RUNX2: variants seen among roughly 807,000 people sequenced by gnomAD.
RUNX2 encodes the protein runt-related transcription factor 2.
Under a neutral mutation model 51.7 loss-of-function variants are expected in RUNX2, and 10 were observed. The ratio of observed to expected loss-of-function variants is 0.19; its 90% confidence interval spans 0.12 to 0.33. The LOEUF is 0.33. RUNX2 is among the 10% of genes least tolerant of loss of function. The pLI is 1.00. For synonymous variants in RUNX2, 276 were observed against 273.6 expected, an observed-to-expected ratio of 1.01 and a Z score of -0.09; for missense variants, 562 against 691.3, an observed-to-expected ratio of 0.81 and a Z score of 2.10.
At position 45,348,682 on chromosome 6, in the gene RUNX2, A is replaced by C. The variant is rs1581785886; in HGVS notation, c.58+19898A>C. Among the ~76,000 whole-genome samples the C allele has an allele frequency of 6.6e-5, 10 of 151,894 alleles. No individual in the cohort carries two copies. In the South Asian group the frequency reaches 2.1e-3, roughly 32 times the overall value. On this transcript the variant is annotated intron_variant, in intron 2 of 8. Transcript: ENST00000647337. Reference sequence around the variant, plus strand: ...AAAGTAAAACTCCAACTCAAAAAAAAAAAAAAAAAATTGGCAATAATATCA... The same window carrying C: ...AAAGTAAAACTCCAACTCAAAAAAACAAAAAAAAAATTGGCAATAATATCA...
At chr6:45,527,860 T>G (rs1274283394) in intron 7 of RUNX2, among the ~76,000 whole-genome samples, 1 of 152,132 alleles carries the variant, frequency 6.6e-6, no homozygotes, top group East Asian at 1.9e-4. Flanking sequence ...TGAGATGAAT[T>G]TTGGGGACTG....
intron 5 of RUNX2, among the ~76,000 whole-genome samples, chr6:45,467,872 C>G (rs1799682848): frequency 6.6e-6 from 1 of 152,188 alleles, no homozygotes; most frequent in South Asian, 2.1e-4. Context: ...AAAAACTAAC[C>G]TTTCCTTACC....
In RUNX2 at chr6:45,440,075, G is replaced by A. The variant is rs546468541; in HGVS notation, c.685+2024G>A. ...GCAGATACAGATCTGCAAGTGGTAGGCCACCTGCCCTAGATAAGCCTGAGT... is the reference window on the plus strand; with the variant it reads ...GCAGATACAGATCTGCAAGTGGTAGACCACCTGCCCTAGATAAGCCTGAGT... On this transcript the variant is annotated intron_variant, in intron 5 of 8. Transcript: ENST00000647337. 4.6e-5 allele frequency among the ~76,000 whole-genome samples: 7 copies of A among 152,290 alleles called. No homozygotes were observed. In the South Asian group the frequency reaches 1.2e-3, roughly 27 times the overall value.
rs199979275 is a variant in RUNX2 at position 45,493,507 on chromosome 6, T to TG, written c.859+1400dup. Among the ~76,000 whole-genome samples the TG allele has an allele frequency of 9.6e-3, 1,457 of 151,406 alleles. 19 individuals carry two copies. The highest frequency in any genetic ancestry group is 0.033 in the African/African-American group (1,364 of 41,182). On this transcript the variant is annotated intron_variant, in intron 6 of 8. Transcript: ENST00000647337. ...TTAGAGACTACAAAAGATGGGAGAG[T>TG]GGGGGGGCGGTGGTGAGGGTTGAAA... is the stretch of plus-strand genomic sequence containing the variant.
intron 2 of RUNX2, chr6:45,421,838 G>T (rs573679403): frequency 6.6e-6 from 1 of 152,082 alleles, no homozygotes; most frequent in African/African-American, 2.4e-5. Context: ...CGCTGCCCAC[G>T]ACTTACCTCT....
At chr6:45,478,592 G>A (rs1424151371) in intron 5 of RUNX2, among the ~76,000 whole-genome samples, 2 of 152,060 alleles carry the variant, frequency 1.3e-5, no homozygotes, top group East Asian at 3.9e-4. Context: ...ATCAGACACT[G>A]CCTTGGTCTT....
chr6:45,381,076 G>C (rs965680052), intron 2 of RUNX2, among the ~76,000 whole-genome samples: 13 of 152,204 alleles, frequency 8.5e-5, no homozygotes, highest in Non-Finnish European at 4.4e-5. Context: ...AAACTGGGTA[G>C]ATTGCATATT....
chr6:45,370,567 T>C (rs1795890503), intron 2 of RUNX2, among the ~76,000 whole-genome samples: 1 of 152,198 alleles, frequency 6.6e-6, no homozygotes, highest in Non-Finnish European at 1.5e-5. Context: ...AATAGAACTT[T>C]GTATAAGGAT....
At chr6:45,531,832 T>G (rs1469692731) in intron 7 of RUNX2, among the ~76,000 whole-genome samples, 1 of 152,086 alleles carries the variant, frequency 6.6e-6, no homozygotes, top group Non-Finnish European at 1.5e-5. Flanking sequence ...GCACGATATA[T>G]TCTACCTTGC....
chr6:45,419,533 G>C (rs559680908), intron 2 of RUNX2, among the ~76,000 whole-genome samples: 1 of 152,214 alleles, frequency 6.6e-6, no homozygotes, highest in Admixed American at 6.5e-5. Context: ...GTGCACATGA[G>C]TGGACGTGTA....
chr6:45,512,389 G>A lies in RUNX2; in HGVS notation c.1003G>A (p.Val335Met), dbSNP rs771219239. ...CACTGGGCTTCCTGCCATCACCGAT[G>A]TGCCTAGGCGCATTTCAGGTAAAGA... ...RGTGLPAITDVPRRISDDDTA... is the reference protein window; with the variant it reads ...RGTGLPAITDMPRRISDDDTA... The change falls in exon 7 of 9, where the codon GTG becomes ATG. Residue 335 changes from valine to methionine, a missense_variant. Physicochemically the swap from Val to Met is conservative, Grantham distance 21. Transcript: ENST00000647337. 2 of 1,614,004 alleles carry A rather than the reference G, an allele frequency of 1.2e-6. No individual in the cohort carries two copies. The highest frequency in any genetic ancestry group is 1.7e-5 in the Admixed American group (1 of 60,014).
At chr6:45,440,803 G>A (rs1798822824) in intron 5 of RUNX2, among the ~76,000 whole-genome samples, 1 of 152,034 alleles carries the variant, frequency 6.6e-6, no homozygotes, top group Admixed American at 6.6e-5. Context: ...ATAATTTCGT[G>A]GAAGAAACAA....
intron 5 of RUNX2, among the ~76,000 whole-genome samples, chr6:45,460,942 A>T (rs151294487): frequency 2.0e-5 from 3 of 152,332 alleles, no homozygotes; most frequent in African/African-American, 7.2e-5. Flanking sequence ...TAAAAGTCAT[A>T]CTATCCTTAG....
At chr6:45,489,375 C>T (rs186761422) in intron 5 of RUNX2, among the ~76,000 whole-genome samples, 13 of 152,268 alleles carry the variant, frequency 8.5e-5, no homozygotes, top group East Asian at 7.7e-4. Context: ...CTCCTGAAAA[C>T]GCTGGGCTAA....
chr6:45,478,753 A>T (rs548546361), intron 5 of RUNX2, among the ~76,000 whole-genome samples: 10 of 152,274 alleles, frequency 6.6e-5, no homozygotes, highest in Admixed American at 2.0e-4. Flanking sequence ...TTTACAGATG[A>T]GAAAATTCTG....
chr6:45,398,601 T>G (rs1243358742), intron 2 of RUNX2, among the ~76,000 whole-genome samples: 1 of 152,192 alleles, frequency 6.6e-6, no homozygotes, highest in Non-Finnish European at 1.5e-5. Flanking sequence ...GCATCATTCA[T>G]CCCCTGACTT....
intron 7 of RUNX2, among the ~76,000 whole-genome samples, chr6:45,542,214 G>A (rs949282750): frequency 1.3e-5 from 2 of 152,178 alleles, no homozygotes. Context: ...ACCTAGTTGG[G>A]TAAAGAGAGG....
chr6:45,493,685 A>G (rs1227060390), intron 6 of RUNX2, among the ~76,000 whole-genome samples: 2 of 151,944 alleles, frequency 1.3e-5, no homozygotes, highest in Non-Finnish European at 2.9e-5. Context: ...ATTATTCATT[A>G]AGGCATAAAA....
intron 2 of RUNX2, among the ~76,000 whole-genome samples, chr6:45,351,975 C>T (rs896428937): frequency 1.3e-5 from 2 of 152,150 alleles, no homozygotes; most frequent in Admixed American, 1.3e-4. Flanking sequence ...CTAATTCTAC[C>T]GCTGACACAA....
Sources: gnomAD v4.1 joint callset for allele counts (sites outside exome capture counted in the v4.1 genomes callset) on GRCh38, gnomAD v4.1.1 for gene constraint, MANE v1.5 for transcripts, NCBI Gene and HGNC (gene_info 2026-07-23, HGNC 2026-07-21) for gene names.